Variants in NGLY1 observed in about 807,000 individuals in gnomAD.
The protein encoded by NGLY1 is peptide-N(4)-(N-acetyl-beta-glucosaminyl)asparagine amidase.
In NGLY1, 68 loss-of-function variants were observed where a neutral mutation model predicts 84.6. That is an observed-to-expected ratio of 0.80 (90% CI 0.66 to 0.98). The LOEUF is 0.98. NGLY1 is among the 50% of genes least tolerant of loss of function. The probability of loss-of-function intolerance (pLI) is 0.00; values close to 1 mark genes in which losing one functional copy is unlikely to be tolerated. For missense variants in NGLY1, 779 were observed against 770.2 expected (o/e 1.01, Z -0.14); for synonymous variants, 280 against 275.2 (o/e 1.02, Z -0.17).
Position 25,751,224 on chromosome 3 carries a change from T to TG in NGLY1, c.531dup (p.Asn178GlnfsTer9), listed in dbSNP as rs1559544313. 1.2e-6 allele frequency: 2 copies of TG among 1,606,196 alleles called. No homozygotes were observed. Among genetic ancestry groups the TG allele is most frequent in the Admixed American group, 3.4e-5 (2 of 59,012 alleles). On this transcript the variant is annotated frameshift_variant, in exon 4 of 12. Coordinates refer to ENST00000280700, the MANE Select transcript of NGLY1 (RefSeq NM_018297.4). LOFTEE classifies it high-confidence loss of function. ...TCATAGACCAGCACATGCTGAATGT[T>TG]GGACTGAAGAACTTCTAGAATGGCT... is the stretch of plus-strand genomic sequence containing the variant.
At chr3:25,743,054 C>G (rs555875887) in intron 4 of NGLY1, among the ~76,000 whole-genome samples, 6 of 152,048 alleles carry the variant, frequency 3.9e-5, no homozygotes, top group South Asian at 2.1e-4. Context: ...GAAGATGGGA[C>G]AGAGAGAGAT....
intron 5 of NGLY1, among the ~76,000 whole-genome samples, chr3:25,738,500 G>A (rs1003545037): frequency 9.9e-5 from 15 of 152,108 alleles, no homozygotes; most frequent in African/African-American, 3.1e-4. Flanking sequence ...GGTCAGCCAC[G>A]TGCTTTGGAA....
rs780077758 is a variant in NGLY1, at chr3:25,739,567, G to C, written c.881+10C>G. 4 of 1,612,848 alleles carry C rather than the reference G, an allele frequency of 2.5e-6. No homozygotes were observed. The highest frequency in any genetic ancestry group is 3.4e-6 in the Non-Finnish European group (4 of 1,179,122). On this transcript the variant is annotated intron_variant, in intron 5 of 11. Transcript: ENST00000280700. ...GAGATTATTCTGATTTTACCATCCA[G>C]GGCACCCACCTTGGGAATCGATTGC...
chr3:25,780,770 C>T (rs928587616), intron 1 of NGLY1, among the ~76,000 whole-genome samples: 2 of 151,862 alleles, frequency 1.3e-5, no homozygotes, highest in African/African-American at 4.8e-5. Flanking sequence ...ACAGGTGAGC[C>T]ACCACGCCTG....
intron 4 of NGLY1, among the ~76,000 whole-genome samples, chr3:25,740,620 T>TATATATGTTGGTC (rs1706090297): frequency 6.6e-6 from 1 of 152,074 alleles, no homozygotes; most frequent in South Asian, 2.1e-4. Context: ...TGGTCATAGG[T>TATATATGTTGGTC]ATATGATATA....
intron 6 of NGLY1, 69 bp from the exon 7 acceptor site, chr3:25,736,218 T>C (rs889444776): frequency 1.5e-5 from 24 of 1,578,908 alleles, no homozygotes; most frequent in East Asian, 4.7e-5. Context: ...TCAATAACTA[T>C]ACACAAACTC....
chr3:25,751,854 CTCCT>C (rs1289756768), intron 3 of NGLY1, among the ~76,000 whole-genome samples: 1 of 152,234 alleles, frequency 6.6e-6, no homozygotes, highest in Non-Finnish European at 1.5e-5. Flanking sequence ...CGGCTTCTCC[CTCCT>C]TGTCACCTCA....
intron 4 of NGLY1, among the ~76,000 whole-genome samples, chr3:25,748,115 C>A (rs1025444998): frequency 6.6e-6 from 1 of 152,138 alleles, no homozygotes. Context: ...TTCCCTGACT[C>A]CAGCCCCTTG....
chr3:25,778,718 T>C (rs1559560466), intron 1 of NGLY1, 30 bp from the exon 2 acceptor site: 1 of 1,392,478 alleles, frequency 7.2e-7, no homozygotes, highest in South Asian at 1.2e-5. Flanking sequence ...TGATTATATA[T>C]AAAAAAAACC....
At chr3:25,757,944 C>A (rs996938474) in intron 3 of NGLY1, among the ~76,000 whole-genome samples, 3 of 152,192 alleles carry the variant, frequency 2.0e-5, no homozygotes, top group African/African-American at 7.2e-5. Context: ...CTGCAGCTGT[C>A]ATGTGACAAA....
chr3:25,744,427 A>G (rs1706315209), intron 4 of NGLY1, among the ~76,000 whole-genome samples: 2 of 152,156 alleles, frequency 1.3e-5, no homozygotes, highest in Admixed American at 1.3e-4. Context: ...AAACCAAAAC[A>G]CTTTCCCCAG....
At chr3:25,743,304 C>T (rs1184029103) in intron 4 of NGLY1, among the ~76,000 whole-genome samples, 2 of 152,126 alleles carry the variant, frequency 1.3e-5, no homozygotes, top group Non-Finnish European at 2.9e-5. Flanking sequence ...CCCCAGGAAA[C>T]TTAAATACCC....
intron 10 of NGLY1, among the ~76,000 whole-genome samples, chr3:25,722,292 T>TATATATA: frequency 6.6e-6 from 1 of 151,444 alleles, no homozygotes; most frequent in Non-Finnish European, 1.5e-5. Context: ...TATATATATA[T>TATATATA]TCATGTTAGA....
chr3:25,783,714 G>A (rs1708535972), upstream of NGLY1, among the ~76,000 whole-genome samples: 1 of 151,774 alleles, frequency 6.6e-6, no homozygotes, highest in Non-Finnish European at 1.5e-5. This position sits in a 1 kb window ranked among gnomAD's most constrained non-coding sequence, Gnocchi z 4.5. Flanking sequence ...AAGAAGGTGG[G>A]GGGCCTCGGC....
chr3:25,783,374 A>C lies in NGLY1; in HGVS notation c.17T>G (p.Leu6Trp). 1.3e-6 allele frequency: 2 copies of C among 1,545,206 alleles called. No homozygotes were observed. The highest frequency in any genetic ancestry group is 1.7e-6 in the Non-Finnish European group (2 of 1,146,638). Residue 6 changes from leucine to tryptophan, a missense_variant, in exon 1 of 12, where the codon TTG becomes TGG. Coordinates refer to ENST00000280700, the MANE Select transcript of NGLY1 (RefSeq NM_018297.4). The surrounding 1 kb of genome is among the most constrained non-coding windows in gnomAD (Gnocchi z 4.5). Reference protein sequence around the residue: MAAAALGSSSGSASPA... With the variant: MAAAAWGSSSGSASPA... ...GGACGCCGAGCCTGAGGAGCTGCCC[A>C]ATGCCGCCGCCGCCATGCTTGAGCG... is the stretch of plus-strand genomic sequence containing the variant.
upstream of NGLY1, among the ~76,000 whole-genome samples, chr3:25,786,405 A>AC (rs1395700688): frequency 3.9e-5 from 6 of 152,326 alleles, no homozygotes; most frequent in Non-Finnish European, 8.8e-5. Context: ...GGAAAAAAAA[A>AC]ATCTTTATTT....
rs1707896309 is a variant in NGLY1 at position 25,771,646 on chromosome 3, T to C, written c.246+6928A>G. On this transcript the variant is annotated intron_variant, in intron 2 of 11. Transcript: ENST00000280700. ...AGTATGGTCATTTTCACAATATTGA[T>C]TCTACCCTTCCATGAGTATGGGATG... 2.0e-5 allele frequency among the ~76,000 whole-genome samples: 3 copies of C among 152,324 alleles called. No homozygotes were observed. In the South Asian group the frequency reaches 6.2e-4, roughly 32 times the overall value.
At position 25,733,861 on chromosome 3, in the gene NGLY1, C is replaced by G; in HGVS notation, c.1260+11G>C. The G allele has an allele frequency of 6.3e-7, 1 of 1,577,686 alleles. No homozygotes were observed. Among genetic ancestry groups the G allele is most frequent in the Non-Finnish European group, 8.6e-7 (1 of 1,156,838 alleles). On this transcript the variant is annotated intron_variant, in intron 8 of 11. Coordinates refer to ENST00000280700, the MANE Select transcript of NGLY1 (RefSeq NM_018297.4). ...TCAACTGTTCTTTCAAAAAAGATAG[C>G]CACACCATACCTGCTTATTAAGCCC...
At chr3:25,781,078 T>A (rs1708394133) in intron 1 of NGLY1, among the ~76,000 whole-genome samples, 1 of 152,052 alleles carries the variant, frequency 6.6e-6, no homozygotes, top group African/African-American at 2.4e-5. Flanking sequence ...GCCCTCCAAG[T>A]AGCTGGGACT....
Sources: allele counts gnomAD v4.1 joint callset (sites outside exome capture counted in the v4.1 genomes callset), GRCh38; gene constraint gnomAD v4.1.1; non-coding constraint Gnocchi (gnomAD v3.1); transcripts MANE v1.5; gene names NCBI Gene and HGNC (gene_info 2026-07-23, HGNC 2026-07-21).